The following PSD3 variants were observed in gnomAD, a reference collection of about 807,000 sequenced individuals.
PSD3 encodes the protein PH and SEC7 domain-containing protein 3.
Under a neutral mutation model 105.5 loss-of-function variants are expected in PSD3, and 49 were observed. That is an observed-to-expected ratio of 0.46 (90% confidence interval 0.37 to 0.59). The LOEUF is 0.59. Among genes scored for constraint, PSD3 ranks in the 20% least tolerant of loss-of-function variants. The probability of loss-of-function intolerance (pLI) is 0.00; values close to 1 mark genes in which losing one functional copy is unlikely to be tolerated. For missense variants in PSD3, 1,561 were observed against 1,263.8 expected (o/e 1.24, Z -3.57); for synonymous variants, 557 against 457.8 (o/e 1.22, Z -2.77).
intron 8 of PSD3, among the ~76,000 whole-genome samples, chr8:18,796,674 A>G (rs1810206329): frequency 6.6e-6 from 1 of 152,244 alleles, no homozygotes; most frequent in African/African-American, 2.4e-5. Context: ...GAGGGGAGTC[A>G]GACCTCCTCA....
intron 9 of PSD3, among the ~76,000 whole-genome samples, chr8:18,750,515 G>C (rs1163925247): frequency 6.6e-6 from 1 of 152,128 alleles, no homozygotes; most frequent in East Asian, 1.9e-4. Context: ...GACCCAAAGA[G>C]TGAGCAGTAG....
At chr8:18,544,127 C>A (rs1414906982) in intron 15 of PSD3, among the ~76,000 whole-genome samples, 1 of 138,188 alleles carries the variant, frequency 7.2e-6, no homozygotes, top group Admixed American at 7.3e-5. Context: ...CACAGCAATA[C>A]ACTTTGCTCC....
Position 19,013,526 on chromosome 8 carries a change from G to GCGCACCCCGCGCC in PSD3, c.21+24_21+36dup, listed in dbSNP as rs1827051736. The GCGCACCCCGCGCC allele has an allele frequency of 7.6e-6, 12 of 1,577,296 alleles. No homozygotes were observed. In the East Asian group the frequency reaches 1.9e-4, roughly 25 times the overall value. ...CCCACGTCGAACAGCGGCGCCGCGT[G>GCGCACCCCGCGCC]CGCACCCCGCGCCCGCGCCCCGGCC... is the stretch of plus-strand genomic sequence containing the variant. On this transcript the variant is annotated intron_variant, in intron 1 of 15. Coordinates refer to ENST00000327040, the MANE Select transcript of PSD3 (RefSeq NM_015310.4).
chr8:18,601,025 C>G (rs1046674693), intron 11 of PSD3, among the ~76,000 whole-genome samples: 1 of 152,212 alleles, frequency 6.6e-6, no homozygotes, highest in East Asian at 1.9e-4. Flanking sequence ...GTCTAAATGT[C>G]TCTTTCACTA....
At chr8:18,853,717 G>A (rs1815774169) in intron 4 of PSD3, among the ~76,000 whole-genome samples, 1 of 152,068 alleles carries the variant, frequency 6.6e-6, no homozygotes, top group African/African-American at 2.4e-5. Flanking sequence ...TAGTCATTAC[G>A]GACCCCACTA....
intron 10 of PSD3, among the ~76,000 whole-genome samples, chr8:18,641,575 T>TG (rs1222415704): frequency 9.2e-5 from 14 of 152,146 alleles, no homozygotes. Context: ...GTGATGGAAA[T>TG]GGGGTGATAA....
At chr8:18,851,575 G>A (rs1287057961) in intron 4 of PSD3, among the ~76,000 whole-genome samples, 1 of 152,216 alleles carries the variant, frequency 6.6e-6, no homozygotes, top group Non-Finnish European at 1.5e-5. Flanking sequence ...ACAGCAGCAT[G>A]GCTGGAGCTA....
Position 18,854,541 on chromosome 8 carries a change from A to G in PSD3, c.1634+13133T>C, listed in dbSNP as rs532950852. 2.6e-5 allele frequency among the ~76,000 whole-genome samples: 4 copies of G among 152,376 alleles called. No individual in the cohort carries two copies. In the East Asian group the frequency reaches 7.7e-4, roughly 29 times the overall value. ...TTTAAGGGAAAGGAGACATTTGTCC[A>G]GCATCGTTCAAAACAAAGTAACTTT... is the stretch of plus-strand genomic sequence containing the variant. On this transcript the variant is annotated intron_variant, in intron 4 of 15. Transcript: ENST00000327040.
intron 14 of PSD3, 41 bp from the exon 15 acceptor site, chr8:18,556,393 A>AAAAAAAG: frequency 6.3e-7 from 1 of 1,583,064 alleles, no homozygotes; most frequent in Non-Finnish European, 8.6e-7. Context: ...CAAAAAAAAA[A>AAAAAAAG]CAAGTCAATA....
At position 19,056,229 on chromosome 8, in the gene PSD3, A is replaced by G. The variant is rs75971038; in HGVS notation, c.324+27977T>C. On this transcript the variant is annotated intron_variant, in intron 1 of 1. Transcript: ENST00000521475. ...GAATCTATAACTTAAAAAATAGTCC[A>G]CAAAAGAAACCTGTCATGGCCTCCA... Among the ~76,000 whole-genome samples, 287 of 152,366 alleles carry G rather than the reference A, an allele frequency of 1.9e-3. 4 individuals are homozygous for G. The East Asian group carries it at 0.04, about 21-fold the overall frequency.
intron 9 of PSD3, among the ~76,000 whole-genome samples, chr8:18,708,393 T>G (rs984746129): frequency 3.3e-5 from 5 of 152,098 alleles, no homozygotes; most frequent in Non-Finnish European, 7.3e-5. Flanking sequence ...ATGTGAATAC[T>G]GAATATAGCA....
At chr8:19,025,727 C>T (rs1445783357) in intron 1 of PSD3, among the ~76,000 whole-genome samples, 9 of 152,196 alleles carry the variant, frequency 5.9e-5, no homozygotes, top group African/African-American at 2.2e-4. Flanking sequence ...GGGTATGACG[C>T]AAATTCCAGG....
At chr8:18,799,940 T>A (rs11997879) in intron 7 of PSD3, among the ~76,000 whole-genome samples, 55,641 of 152,096 alleles carry the variant, frequency 0.37, 11,343 homozygotes, top group Non-Finnish European at 0.46. Context: ...GGTCTAATTA[T>A]TGCACTCATA....
At chr8:19,084,558 G>C (rs1404984504) in exon 1 of PSD3, 13 of 382,116 alleles carry the variant, frequency 3.4e-5, no homozygotes, top group Admixed American at 8.8e-5. Context: ...AAGCCTCCAT[G>C]CCAGGGGCTG....
intron 10 of PSD3, among the ~76,000 whole-genome samples, chr8:18,646,710 C>T (rs1050246982): frequency 2.0e-5 from 3 of 152,072 alleles, no homozygotes; most frequent in Non-Finnish European, 2.9e-5. Context: ...GAAAACTATT[C>T]GTCCTTATGA....
intron 1 of PSD3, among the ~76,000 whole-genome samples, chr8:18,969,126 C>T (rs1824473827): frequency 6.6e-6 from 1 of 152,058 alleles, no homozygotes; most frequent in African/African-American, 2.4e-5. Context: ...ACTTAATAAA[C>T]ATTTCTTGAG....
chr8:19,009,770 G>A (rs1034372482), intron 1 of PSD3, among the ~76,000 whole-genome samples: 1 of 151,844 alleles, frequency 6.6e-6, no homozygotes, highest in Non-Finnish European at 1.5e-5. Flanking sequence ...GTGTACCTGT[G>A]GTCCCAGCCA....
At chr8:19,036,438 A>G (rs540278890) in intron 1 of PSD3, among the ~76,000 whole-genome samples, 17 of 152,320 alleles carry the variant, frequency 1.1e-4, no homozygotes, top group African/African-American at 4.1e-4. Context: ...TGGAGGTCCC[A>G]TAGCTGATAT....
chr8:18,681,778 T>G (rs1246406971), intron 9 of PSD3, among the ~76,000 whole-genome samples: 1 of 152,128 alleles, frequency 6.6e-6, no homozygotes, highest in African/African-American at 2.4e-5. Flanking sequence ...GGTGTTCAAT[T>G]TTAAGCCACT....
Sources: allele counts gnomAD v4.1 joint callset (sites outside exome capture counted in the v4.1 genomes callset), GRCh38; gene constraint gnomAD v4.1.1; transcripts MANE v1.5; gene names NCBI Gene and HGNC (gene_info 2026-07-23, HGNC 2026-07-21).